The following SLC22A15 variants were observed in gnomAD, a reference collection of about 807,000 sequenced individuals.
SLC22A15 encodes solute carrier family 22 member 15.
SLC22A15 carries 45 observed loss-of-function variants against 62.7 expected under a neutral mutation model. The observed-to-expected ratio is 0.72, with a 90% CI of 0.56 to 0.92. The LOEUF (loss-of-function observed/expected upper bound fraction) is 0.92. SLC22A15 is among the 40% of genes least tolerant of loss of function. SLC22A15 has a pLI of 0.00. For missense variants in SLC22A15, 622 were observed against 665.6 expected (o/e 0.93, Z 0.72); for synonymous variants, 264 against 267.0 (o/e 0.99, Z 0.11).
In SLC22A15 at chr1:116,031,477, A is replaced by G; in HGVS notation, c.840A>G (p.Ser280=). The G allele has an allele frequency of 1.2e-6, 2 of 1,614,006 alleles. No homozygotes were observed. Among genetic ancestry groups the G allele is most frequent in the Non-Finnish European group, 1.7e-6 (2 of 1,179,886 alleles). Residue 280 remains serine (S), a synonymous_variant, in exon 6 of 12, where the codon TCA becomes TCG. Transcript: ENST00000369503. The part of the protein sequence containing the change: ...KRNRKLKCTF[S]LTHPANRSCR... ...ACCGCAAACTCAAGTGCACGTTCTC[A>G]CTAACACACCCAGCCAACAGGAGCT...
rs902929424 is a variant in SLC22A15 at position 116,027,229 on chromosome 1, T to G, written c.728+207T>G. ...ATTCAGAATGCAGGTATCCCTTGTTTAAAGTAACCTCTCAATACACTGCAT... is the reference window on the plus strand; with the variant it reads ...ATTCAGAATGCAGGTATCCCTTGTTGAAAGTAACCTCTCAATACACTGCAT... On this transcript the variant is annotated intron_variant, in intron 5 of 11. Coordinates refer to ENST00000369503, the MANE Select transcript of SLC22A15 (RefSeq NM_018420.3). 5 of 642,770 alleles carry G rather than the reference T, an allele frequency of 7.8e-6. No homozygotes were observed. The African/African-American group carries it at 8.9e-5, about 11-fold the overall frequency. 39.8% of individuals were successfully genotyped at this position (642,770 alleles called of 1,614,324 possible).
At chr1:116,021,278 C>G (rs1229829970) in intron 4 of SLC22A15, among the ~76,000 whole-genome samples, 1 of 152,164 alleles carries the variant, frequency 6.6e-6, no homozygotes, top group Non-Finnish European at 1.5e-5. Flanking sequence ...TTTTGTTTCA[C>G]AGCCCTTTTT....
At chr1:115,982,821 T>C (rs183540668) in intron 1 of SLC22A15, among the ~76,000 whole-genome samples, 2 of 152,360 alleles carry the variant, frequency 1.3e-5, no homozygotes, top group Admixed American at 1.3e-4. Flanking sequence ...AAAAGTTTTT[T>C]TCATCCTCAC....
intron 2 of SLC22A15, among the ~76,000 whole-genome samples, chr1:116,009,078 G>A (rs1656121629): frequency 6.6e-6 from 1 of 152,118 alleles, no homozygotes; most frequent in African/African-American, 2.4e-5. Context: ...TAAATAGAAT[G>A]AACAATAGTT....
intron 5 of SLC22A15, among the ~76,000 whole-genome samples, chr1:116,028,434 T>G (rs1657211319): frequency 1.3e-5 from 2 of 151,754 alleles, no homozygotes; most frequent in East Asian, 1.9e-4. Flanking sequence ...GTTTCGTAAA[T>G]TTCCTACTTC....
At chr1:116,025,539 CAT>C (rs974126214) in intron 4 of SLC22A15, among the ~76,000 whole-genome samples, 1 of 152,298 alleles carries the variant, frequency 6.6e-6, no homozygotes, top group South Asian at 2.1e-4. Flanking sequence ...AAAGAAAACA[CAT>C]GTGTTACAAG....
intron 2 of SLC22A15, among the ~76,000 whole-genome samples, chr1:116,016,089 TTTCTTTCTCTCTTTCTCTCC>T (rs1214102750): frequency 2.0e-5 from 3 of 152,012 alleles, no homozygotes; most frequent in Non-Finnish European, 4.4e-5. Flanking sequence ...TTTCTTTTCT[TTTCTTTCTCTCTTTCTCTCC>T]TTCTTTCTCT....
At chr1:116,032,448 C>T (rs1212503789) in intron 6 of SLC22A15, 15 of 985,088 alleles carry the variant, frequency 1.5e-5, no homozygotes, top group Admixed American at 1.2e-4. Flanking sequence ...CTGCATGGAG[C>T]CCTACATTTC....
intron 2 of SLC22A15, among the ~76,000 whole-genome samples, chr1:116,017,112 G>A (rs1005438753): frequency 6.6e-5 from 10 of 152,138 alleles, no homozygotes; most frequent in African/African-American, 2.2e-4. Context: ...ATACACTGGT[G>A]TGTTTTCACC....
At chr1:116,050,511 G>A (rs1047012622) in intron 8 of SLC22A15, among the ~76,000 whole-genome samples, 2 of 152,158 alleles carry the variant, frequency 1.3e-5, no homozygotes, top group African/African-American at 4.8e-5. Flanking sequence ...CTCAATAGAT[G>A]CAGAAAAAGC....
rs187510754 is a variant in SLC22A15, at chr1:115,983,443, C to T, written c.87+6729C>T. 2.2e-3 allele frequency among the ~76,000 whole-genome samples: 329 copies of T among 151,640 alleles called. 1 individual carries two copies. The highest frequency in any genetic ancestry group is 7.4e-3 in the African/African-American group (304 of 41,010). ...ATGGAGATGTGTGTGTGTGTGTGCA[C>T]GCGCACATGTGTGTGTATGTGTGTT... On this transcript the variant is annotated intron_variant, in intron 1 of 11. Coordinates refer to ENST00000369503, the MANE Select transcript of SLC22A15 (RefSeq NM_018420.3).
intron 1 of SLC22A15, among the ~76,000 whole-genome samples, chr1:115,980,101 T>C (rs1654541743): frequency 6.6e-6 from 1 of 151,650 alleles, no homozygotes; most frequent in African/African-American, 2.4e-5. Flanking sequence ...GTAGAATGAT[T>C]GCAGAAGAGG....
At position 116,066,511 on chromosome 1, in the gene SLC22A15, C is replaced by G; in HGVS notation, c.1366-9C>G. The G allele has an allele frequency of 6.3e-7, 1 of 1,582,010 alleles. No individual in the cohort carries two copies. Among genetic ancestry groups the G allele is most frequent in the African/African-American group, 1.3e-5 (1 of 74,180 alleles). ...TGGTTTATTTTCATTCCACTCCCCGCCTCTGCAGAAATATGTGCAATGGTC... is the reference window on the plus strand; with the variant it reads ...TGGTTTATTTTCATTCCACTCCCCGGCTCTGCAGAAATATGTGCAATGGTC... On this transcript the variant is annotated splice_polypyrimidine_tract_variant and intron_variant, in intron 10 of 11. Coordinates refer to ENST00000369503, the MANE Select transcript of SLC22A15 (RefSeq NM_018420.3).
intron 8 of SLC22A15, among the ~76,000 whole-genome samples, chr1:116,047,289 T>G (rs1657951303): frequency 6.6e-6 from 1 of 152,010 alleles, no homozygotes; most frequent in Non-Finnish European, 1.5e-5. Flanking sequence ...TAGCCAGGCA[T>G]GGTGGCACGC....
rs575081798 is a variant in SLC22A15 at position 116,059,371 on chromosome 1, A to G, written c.1172-3391A>G. ...CACAAAGACTTTGATGCAAATGTTCATAGTGGATTTATTAATAATAGCCCC... is the reference window on the plus strand; with the variant it reads ...CACAAAGACTTTGATGCAAATGTTCGTAGTGGATTTATTAATAATAGCCCC... On this transcript the variant is annotated intron_variant, in intron 8 of 11. Coordinates refer to ENST00000369503, the MANE Select transcript of SLC22A15 (RefSeq NM_018420.3). Among the ~76,000 whole-genome samples, 39 of 152,326 alleles carry G rather than the reference A, an allele frequency of 2.6e-4. 2 individuals carry two copies. The South Asian group carries it at 7.5e-3, about 29-fold the overall frequency.
intron 2 of SLC22A15, among the ~76,000 whole-genome samples, chr1:115,993,567 G>C (rs1370293248): frequency 6.6e-6 from 1 of 152,030 alleles, no homozygotes; most frequent in African/African-American, 2.4e-5. Context: ...TAAAAAAAGG[G>C]GAGACATGCC....
At chr1:116,058,715 T>C (rs1557909127) in intron 8 of SLC22A15, among the ~76,000 whole-genome samples, 1 of 152,144 alleles carries the variant, frequency 6.6e-6, no homozygotes, top group African/African-American at 2.4e-5. Context: ...TGGAACCAAC[T>C]CAAATGCTTA....
intron 8 of SLC22A15, among the ~76,000 whole-genome samples, chr1:116,052,132 G>C (rs1433815289): frequency 1.3e-5 from 2 of 152,360 alleles, no homozygotes; most frequent in Non-Finnish European, 2.9e-5. Flanking sequence ...CAAGGGGTCA[G>C]GGAGTTCCCT....
At chr1:116,012,967 T>A (rs1013780440) in intron 2 of SLC22A15, among the ~76,000 whole-genome samples, 7 of 152,328 alleles carry the variant, frequency 4.6e-5, no homozygotes, top group Middle Eastern at 3.4e-3. Context: ...TACAGTGCTC[T>A]CCTGTATTCA....
Sources: gnomAD v4.1 joint callset for allele counts (sites outside exome capture counted in the v4.1 genomes callset) on GRCh38, gnomAD v4.1.1 for gene constraint, MANE v1.5 for transcripts, NCBI Gene and HGNC (gene_info 2026-07-23, HGNC 2026-07-21) for gene names.